The following EGFR variants were observed in gnomAD, a reference collection of about 807,000 sequenced individuals.
EGFR encodes the protein epidermal growth factor receptor, also known as avian erythroblastic leukemia viral (v-erb-b) oncogene homolog.
Under a neutral mutation model 143.0 loss-of-function variants are expected in EGFR, and 58 were observed. The observed-to-expected ratio is 0.41, with a 90% CI of 0.33 to 0.50. The LOEUF (loss-of-function observed/expected upper bound fraction) is 0.50, where lower values mean the gene tolerates loss of function less well. Among genes scored for constraint, EGFR ranks in the 20% least tolerant of loss-of-function variants. EGFR has a pLI of 0.39. For synonymous variants in EGFR, 613 were observed against 594.4 expected, an observed-to-expected ratio of 1.03 and a Z score of -0.45; for missense variants, 1,307 against 1,579.0, an observed-to-expected ratio of 0.83 and a Z score of 2.92.
intron 1 of EGFR, among the ~76,000 whole-genome samples, chr7:55,080,722 A>C (rs900539184): frequency 6.6e-6 from 1 of 152,262 alleles, no homozygotes; most frequent in Admixed American, 6.5e-5. Context: ...AGGTATGTGC[A>C]GTAATACAGT....
At chr7:55,168,563 A>G (rs1402823713) in intron 15 of EGFR, 1 of 1,611,000 alleles carries the variant, frequency 6.2e-7, no homozygotes, top group Non-Finnish European at 8.5e-7. Flanking sequence ...GTCTCCCACT[A>G]AAACTGCATT....
chr7:55,120,538 A>T (rs757350934), intron 1 of EGFR, among the ~76,000 whole-genome samples: 13 of 152,228 alleles, frequency 8.5e-5, no homozygotes, highest in Non-Finnish European at 1.9e-4. Flanking sequence ...CTTTTAAATC[A>T]GCCAATGGGT....
In EGFR at chr7:55,143,486, AG is replaced by A; in HGVS notation, c.424+1del. 1 of 1,614,238 alleles carries A rather than the reference AG, an allele frequency of 6.2e-7. No individual in the cohort carries two copies. Among genetic ancestry groups the A allele is most frequent in the Non-Finnish European group, 8.5e-7 (1 of 1,180,036 alleles). On this transcript the variant is annotated frameshift_variant and splice_region_variant, in exon 3 of 28. Coordinates refer to ENST00000275493, the MANE Select transcript of EGFR (RefSeq NM_005228.5). LOFTEE classifies it high-confidence loss of function. ...AAGGAGCTGCCCATGAGAAATTTAC[AG>A]GGTGAGAGGCTGGGATGCCAAGGCT... ...GLKELPMRNL[Q>X]EILHGAVRFS...
chr7:55,135,509 A>G (rs1235287254), intron 1 of EGFR, among the ~76,000 whole-genome samples: 1 of 152,134 alleles, frequency 6.6e-6, no homozygotes, highest in African/African-American at 2.4e-5. Context: ...GTGGAATAAA[A>G]TAGGGTAAAA....
At chr7:55,186,938 A>G (rs544305337) in intron 20 of EGFR, among the ~76,000 whole-genome samples, 1 of 152,318 alleles carries the variant, frequency 6.6e-6, no homozygotes, top group African/African-American at 2.4e-5. Flanking sequence ...GCAGTGAACA[A>G]GCCAGATGGC....
At chr7:55,051,869 T>C (rs990197988) in intron 1 of EGFR, among the ~76,000 whole-genome samples, 21 of 152,214 alleles carry the variant, frequency 1.4e-4, no homozygotes, top group African/African-American at 4.8e-4. Flanking sequence ...ACCTTTTCTT[T>C]GCCTGGAAAA....
chr7:55,023,512 G>T (rs990343623), intron 1 of EGFR, among the ~76,000 whole-genome samples: 1 of 151,914 alleles, frequency 6.6e-6, no homozygotes, highest in Non-Finnish European at 1.5e-5. Flanking sequence ...TTAGCTGGGC[G>T]TGGTGGCAGG....
intron 1 of EGFR, among the ~76,000 whole-genome samples, chr7:55,054,104 C>G (rs1305718518): frequency 6.6e-6 from 1 of 152,094 alleles, no homozygotes; most frequent in East Asian, 1.9e-4. Flanking sequence ...GAAAGCCCTG[C>G]CTAATGGTCT....
chr7:55,191,736 G>A lies in EGFR; in HGVS notation c.2487G>A (p.Glu829=), dbSNP rs41420046. The A allele has an allele frequency of 3.9e-4, 626 of 1,613,956 alleles. 2 individuals are homozygous for A. The African/African-American group carries it at 7.1e-3, about 18-fold the overall frequency. Residue 829 remains glutamate (E), a synonymous_variant, in exon 21 of 28, where the codon GAG becomes GAA. Transcript: ENST00000275493. ...VQIAKGMNYL[E]DRRLVHRDLA... ...TGTTTCAGGGCATGAACTACTTGGAGGACCGTCGCTTGGTGCACCGCGACC... is the reference window on the plus strand; with the variant it reads ...TGTTTCAGGGCATGAACTACTTGGAAGACCGTCGCTTGGTGCACCGCGACC...
intron 1 of EGFR, among the ~76,000 whole-genome samples, chr7:55,124,403 A>C (rs923983561): frequency 8.5e-5 from 13 of 152,202 alleles, no homozygotes; most frequent in African/African-American, 3.1e-4. Context: ...CTCAGTTCTT[A>C]AATTTTCAGA....
intron 1 of EGFR, among the ~76,000 whole-genome samples, chr7:55,062,952 G>A (rs907025643): frequency 4.0e-5 from 6 of 151,864 alleles, no homozygotes; most frequent in South Asian, 2.1e-4. Flanking sequence ...ATTGGCTTTC[G>A]AGAGAGGCAC....
intron 1 of EGFR, among the ~76,000 whole-genome samples, chr7:55,084,906 C>T (rs1007792638): frequency 2.0e-5 from 3 of 152,132 alleles, no homozygotes; most frequent in Non-Finnish European, 4.4e-5. Flanking sequence ...TCCAGGTTCT[C>T]GGTAGCAGGG....
chr7:55,094,033 C>T lies in EGFR; in HGVS notation c.89-48253C>T, dbSNP rs187410435. Among the ~76,000 whole-genome samples, 182 of 152,228 alleles carry T rather than the reference C, an allele frequency of 1.2e-3. 2 individuals carry two copies. Among genetic ancestry groups the T allele is most frequent in the African/African-American group, 3.9e-3 (163 of 41,544 alleles). On this transcript the variant is annotated intron_variant, in intron 1 of 27. Coordinates refer to ENST00000275493, the MANE Select transcript of EGFR (RefSeq NM_005228.5). ...AGAACTCACAGTAGAGCGTGTGTAA[C>T]GTAAAAAGATGAAACCCATTGTACA...
chr7:55,030,081 A>G (rs28557040), intron 1 of EGFR, among the ~76,000 whole-genome samples: 12,974 of 152,224 alleles, frequency 0.085, 946 homozygotes, highest in African/African-American at 0.19. Flanking sequence ...ACCCAGGCTC[A>G]GAGCGATTCT....
intron 10 of EGFR, among the ~76,000 whole-genome samples, chr7:55,157,268 A>C (rs1454808049): frequency 6.6e-6 from 1 of 152,244 alleles, no homozygotes; most frequent in Non-Finnish European, 1.5e-5. Context: ...AGACCAAAAT[A>C]ACAAGACTGT....
intron 15 of EGFR, chr7:55,168,582 A>G (rs1562779575): frequency 6.2e-7 from 1 of 1,611,782 alleles, no homozygotes. Context: ...TTTCCTTTCT[A>G]CAATTTCAAT....
chr7:55,180,962 A>G lies in EGFR; in HGVS notation c.2284-331A>G, dbSNP rs766195773. On this transcript the variant is annotated intron_variant, in intron 19 of 27. Transcript: ENST00000275493. ...CCTTGAGGCGGAGGTCTTCATAACA[A>G]AGATACTATCAGTTCCCAAACTCAG... 3.9e-4 allele frequency: 175 copies of G among 444,686 alleles called. 1 individual carries two copies. The highest frequency in any genetic ancestry group is 6.9e-4 in the Non-Finnish European group (167 of 240,504). The allele number at this position is 444,686 out of a possible 1,614,324, so 27.5% of individuals were successfully genotyped here. A position where few individuals can be genotyped will look rare whatever the true frequency, so the allele number is the denominator to read the frequency against.
At chr7:55,157,620 C>T (rs1197723283) in intron 10 of EGFR, 43 bp from the exon 11 acceptor site, 22 of 1,550,504 alleles carry the variant, frequency 1.4e-5, no homozygotes, top group Non-Finnish European at 1.9e-5. Context: ...AAAAAAGAAA[C>T]TCCTACGTGG....
At chr7:55,037,776 C>T (rs1787676937) in intron 1 of EGFR, among the ~76,000 whole-genome samples, 1 of 152,198 alleles carries the variant, frequency 6.6e-6, no homozygotes, top group Admixed American at 6.5e-5. Flanking sequence ...AATTAGTCAA[C>T]TCAGATTTAC....
Sources: allele counts gnomAD v4.1 joint callset (sites outside exome capture counted in the v4.1 genomes callset), GRCh38; gene constraint gnomAD v4.1.1; transcripts MANE v1.5; gene names NCBI Gene and HGNC (gene_info 2026-07-23, HGNC 2026-07-21).